ZNF112: variants seen among roughly 807,000 people sequenced by gnomAD.
ZNF112 encodes the protein zinc finger protein 112 (Y14).
Under a neutral mutation model 77.7 loss-of-function variants are expected in ZNF112, and 37 were observed. That is an observed-to-expected ratio of 0.48 (90% confidence interval 0.37 to 0.63). The LOEUF (loss-of-function observed/expected upper bound fraction) is 0.63, where lower values mean the gene tolerates loss of function less well. Ranked by LOEUF, ZNF112 falls within the 20% of genes least tolerant of loss-of-function variation. The pLI, the probability that ZNF112 is intolerant of heterozygous loss-of-function variation, is 0.00. For synonymous variants in ZNF112, 333 were observed against 363.6 expected (o/e 0.92, Z 0.96); for missense variants, 950 against 1,077.4 (o/e 0.88, Z 1.66).
In ZNF112 at chr19:44,328,286, ACT is replaced by A; in HGVS notation, c.1869_1870del (p.Arg623SerfsTer11). The A allele has an allele frequency of 6.2e-7, 1 of 1,613,814 alleles. No individual in the cohort carries two copies. Among genetic ancestry groups the A allele is most frequent in the Non-Finnish European group, 8.5e-7 (1 of 1,179,956 alleles). On this transcript the variant is annotated frameshift_variant, in exon 4 of 4. Coordinates refer to ENST00000354340, the MANE Select transcript of ZNF112 (RefSeq NM_013380.4). LOFTEE classifies it high-confidence loss of function. ...TTTGAATGGTTTTTCTCCAGTGTGG[ACT>A]CTCTGATGGCCTTGAAGGTGTGAAC...
chr19:44,362,793 C>T (rs1970866832), intron 1 of ZNF112, among the ~76,000 whole-genome samples: 1 of 151,924 alleles, frequency 6.6e-6, no homozygotes, highest in African/African-American at 2.4e-5. Context: ...CCCCCACTAC[C>T]CACTCTCATT....
At chr19:44,342,643 C>T (rs564160772) in intron 1 of ZNF112, among the ~76,000 whole-genome samples, 3 of 151,816 alleles carry the variant, frequency 2.0e-5, no homozygotes, top group East Asian at 3.9e-4. Flanking sequence ...GGTGAAACCC[C>T]ATCTCTACTA....
chr19:44,326,815 G>A lies in ZNF112; in HGVS notation c.*618C>T, dbSNP rs996425798. On this transcript the variant is annotated 3_prime_UTR_variant, in exon 4 of 4. Coordinates refer to ENST00000354340, the MANE Select transcript of ZNF112 (RefSeq NM_013380.4). ...ATGGTATAATGTATAGAGACCAAACGTTAAGAAATGCAGCACATCTCTGCT... is the reference window on the plus strand; with the variant it reads ...ATGGTATAATGTATAGAGACCAAACATTAAGAAATGCAGCACATCTCTGCT... 2.0e-5 allele frequency: 3 copies of A among 152,802 alleles called. No homozygotes were observed. The highest frequency in any genetic ancestry group is 4.8e-5 in the African/African-American group (2 of 41,420). The allele number at this position is 152,802 out of a possible 1,614,324, so 9.5% of individuals were successfully genotyped here. A position where few individuals can be genotyped will look rare whatever the true frequency, so the allele number is the denominator to read the frequency against.
intron 3 of ZNF112, among the ~76,000 whole-genome samples, chr19:44,330,168 T>A (rs929882720): frequency 2.6e-5 from 4 of 152,178 alleles, no homozygotes; most frequent in Non-Finnish European, 4.4e-5. Flanking sequence ...AAAACTTTTT[T>A]AATGTTCTAC....
At chr19:44,357,450 C>T (rs997932951), upstream of ZNF112, among the ~76,000 whole-genome samples, 5 of 152,182 alleles carry the variant, frequency 3.3e-5, no homozygotes, top group Non-Finnish European at 7.3e-5. Context: ...CTCAACCTTT[C>T]TTTGACTCGA....
At chr19:44,358,421 A>T (rs1178897885), upstream of ZNF112, among the ~76,000 whole-genome samples, 1 of 152,206 alleles carries the variant, frequency 6.6e-6, no homozygotes, top group Non-Finnish European at 1.5e-5. Context: ...CAAACTTTTT[A>T]AATGTCAAAA....
intron 2 of ZNF112, among the ~76,000 whole-genome samples, chr19:44,337,347 TGTGTA>T: frequency 1.5e-5 from 1 of 65,694 alleles, no homozygotes; most frequent in African/African-American, 6.7e-5. Context: ...ATTTTGTATA[TGTGTA>T]AAATATATAT....
intron 1 of ZNF112, among the ~76,000 whole-genome samples, chr19:44,350,869 G>A (rs865924821): frequency 5.9e-5 from 9 of 152,044 alleles, no homozygotes; most frequent in African/African-American, 2.2e-4. Flanking sequence ...CATACTAAAA[G>A]GTAAATATCA....
At chr19:44,345,754 T>C (rs972890501) in intron 1 of ZNF112, among the ~76,000 whole-genome samples, 10 of 152,112 alleles carry the variant, frequency 6.6e-5, no homozygotes, top group African/African-American at 2.4e-4. Flanking sequence ...TCTCTGCAAA[T>C]CTTCTCTCCC....
chr19:44,336,042 C>T (rs368667989), intron 3 of ZNF112, among the ~76,000 whole-genome samples: 13 of 152,310 alleles, frequency 8.5e-5, no homozygotes, highest in East Asian at 5.8e-4. Flanking sequence ...GGGTGTCTCA[C>T]TTGAAAATGC....
chr19:44,341,277 T>C, intron 1 of ZNF112: 2 of 444,338 alleles, frequency 4.5e-6, no homozygotes, highest in East Asian at 7.0e-5. Flanking sequence ...TGGTCTAGAA[T>C]ATAATAATTT....
intron 2 of ZNF112, among the ~76,000 whole-genome samples, chr19:44,337,629 A>G (rs1001980773): frequency 6.7e-6 from 1 of 149,472 alleles, no homozygotes; most frequent in Non-Finnish European, 1.5e-5. Flanking sequence ...ATCATTTTGC[A>G]TTCTTCCTTT....
intron 1 of ZNF112, among the ~76,000 whole-genome samples, chr19:44,344,312 T>A (rs1157056921): frequency 2.2e-5 from 2 of 90,048 alleles, no homozygotes; most frequent in African/African-American, 7.0e-5. Context: ...TTCCTCAAGG[T>A]TTGTTACTTT....
intron 1 of ZNF112, among the ~76,000 whole-genome samples, chr19:44,346,725 TG>T (rs1276375194): frequency 2.0e-5 from 3 of 152,184 alleles, no homozygotes; most frequent in Admixed American, 2.0e-4. Context: ...AATTCCTCTC[TG>T]CCAATCCCTA....
chr19:44,360,176 A>AACCTG (rs1970841486), upstream of ZNF112, among the ~76,000 whole-genome samples: 1 of 151,512 alleles, frequency 6.6e-6, no homozygotes, highest in Admixed American at 6.6e-5. Context: ...GAATCGCTTG[A>AACCTG]ACCTGGGAGA....
chr19:44,340,313 A>G, intron 2 of ZNF112, 103 bp downstream of exon 2: 1 of 1,492,828 alleles, frequency 6.7e-7, no homozygotes, highest in South Asian at 1.3e-5. Flanking sequence ...TCGGGCACCT[A>G]ATCTCAGAGA....
intron 1 of ZNF112, among the ~76,000 whole-genome samples, chr19:44,347,808 C>T (rs1418062301): frequency 2.0e-5 from 3 of 151,940 alleles, no homozygotes; most frequent in Non-Finnish European, 2.9e-5. Context: ...TTTATATTTG[C>T]CAAAAAACTT....
chr19:44,330,031 T>TTTTCCTCTGGTTCATTCAA, intron 3 of ZNF112, 95 bp from the exon 4 acceptor site: 2 of 936,938 alleles, frequency 2.1e-6, no homozygotes, highest in Non-Finnish European at 3.1e-6. Context: ...GAAACTTGAA[T>TTTTCCTCTGGTTCATTCAA]GAACCAGAGG....
At chr19:44,355,718 T>C (rs1970774432) in intron 1 of ZNF112, among the ~76,000 whole-genome samples, 1 of 152,220 alleles carries the variant, frequency 6.6e-6, no homozygotes, top group Non-Finnish European at 1.5e-5. Flanking sequence ...TTAATTCATA[T>C]CAAACTCTTA....
Sources: gnomAD v4.1 joint callset for allele counts (sites outside exome capture counted in the v4.1 genomes callset) on GRCh38, gnomAD v4.1.1 for gene constraint, MANE v1.5 for transcripts, NCBI Gene and HGNC (gene_info 2026-07-23, HGNC 2026-07-21) for gene names.